Variants in MPPED1 observed in about 807,000 individuals in gnomAD.
MPPED1 encodes metallophosphoesterase domain-containing protein 1.
In MPPED1, 16 loss-of-function variants were observed where a neutral mutation model predicts 36.2. The observed-to-expected ratio is 0.44, with a 90% CI of 0.30 to 0.67. MPPED1 has a LOEUF of 0.67. MPPED1 is among the 30% of genes least tolerant of loss of function. MPPED1 has a pLI of 0.10. For missense variants in MPPED1, 307 were observed against 453.4 expected, an observed-to-expected ratio of 0.68 and a Z score of 2.93; for synonymous variants, 199 against 191.3, an observed-to-expected ratio of 1.04 and a Z score of -0.33.
At chr22:43,495,616 A>G (rs190427690) in intron 4 of MPPED1, among the ~76,000 whole-genome samples, 208 of 8,880 alleles carry the variant, frequency 0.023, no homozygotes, top group South Asian at 0.035. Context: ...TGGAGGTAGT[A>G]GTGGTGGAGA....
intron 4 of MPPED1, among the ~76,000 whole-genome samples, chr22:43,479,445 GGCA>G (rs1338058593): frequency 6.6e-6 from 1 of 152,220 alleles, no homozygotes; most frequent in Admixed American, 6.5e-5. Context: ...GGAGGTAGAC[GGCA>G]GAGCAGAGGA....
chr22:43,451,485 C>A (rs1044564511), intron 3 of MPPED1, among the ~76,000 whole-genome samples: 1 of 152,294 alleles, frequency 6.6e-6, no homozygotes, highest in East Asian at 1.9e-4. Flanking sequence ...TCACACCTTT[C>A]GGAGTGTGCA....
intron 4 of MPPED1, among the ~76,000 whole-genome samples, chr22:43,477,643 T>C (rs1931618378): frequency 6.6e-6 from 1 of 152,108 alleles, no homozygotes; most frequent in Non-Finnish European, 1.5e-5. Context: ...GAGGGGAAGA[T>C]GGGGAGGTGC....
At chr22:43,451,847 C>G (rs974761346) in intron 3 of MPPED1, among the ~76,000 whole-genome samples, 1 of 152,076 alleles carries the variant, frequency 6.6e-6, no homozygotes, top group South Asian at 2.1e-4. Flanking sequence ...TTTGTCTGTC[C>G]GAGGCTTCGG....
intron 4 of MPPED1, among the ~76,000 whole-genome samples, chr22:43,482,007 C>T (rs1602002294): frequency 6.6e-6 from 1 of 152,142 alleles, no homozygotes; most frequent in African/African-American, 2.4e-5. Flanking sequence ...TCAGGGAGGC[C>T]GTTTGTGGAC....
At chr22:43,495,240 TGGTGGTGATGGA>T (rs1442207826) in intron 4 of MPPED1, among the ~76,000 whole-genome samples, 8 of 143,960 alleles carry the variant, frequency 5.6e-5, no homozygotes, top group South Asian at 2.3e-4. Flanking sequence ...GTGGAGGTGG[TGGTGGTGATGGA>T]GGTGGTGATG....
At chr22:43,416,192 G>A (rs902126342) in intron 1 of MPPED1, among the ~76,000 whole-genome samples, 1 of 152,222 alleles carries the variant, frequency 6.6e-6, no homozygotes, top group Admixed American at 6.5e-5. Flanking sequence ...TGCAGTGGTT[G>A]GGGGCTGGTG....
At chr22:43,437,704 G>A (rs758501729) in intron 3 of MPPED1, among the ~76,000 whole-genome samples, 7 of 152,188 alleles carry the variant, frequency 4.6e-5, no homozygotes, top group Non-Finnish European at 1.0e-4. Context: ...CCCCTGCCTC[G>A]CATCCCTCCA....
rs200542385 is a variant in MPPED1, at chr22:43,420,648, C to G, written c.-78-4260C>G. Among the ~76,000 whole-genome samples, 7 of 152,232 alleles carry G rather than the reference C, an allele frequency of 4.6e-5. No homozygotes were observed. The East Asian group carries it at 1.4e-3, about 29-fold the overall frequency. The stretch of plus-strand genomic sequence containing the variant: ...AACTCCCGACCTCAGGTGATCCTCC[C>G]GCCTCGGCGTCCCAAAGTGCTGGGA... On this transcript the variant is annotated intron_variant, in intron 1 of 6. Transcript: ENST00000443721.
intron 2 of MPPED1, among the ~76,000 whole-genome samples, chr22:43,431,927 A>G (rs1929701336): frequency 6.6e-6 from 1 of 152,204 alleles, no homozygotes. Context: ...GTGCAGGGAA[A>G]TATGAGTGGA....
Position 43,474,581 on chromosome 22 carries a change from A to G in MPPED1, c.407-155A>G, listed in dbSNP as rs1040513875. Among the ~76,000 whole-genome samples the G allele has an allele frequency of 9.9e-5, 15 of 151,504 alleles. No homozygotes were observed. Among genetic ancestry groups the G allele is most frequent in the Admixed American group, 2.0e-4 (3 of 15,246 alleles). ...TCCACCCCTGCAGGCAGCCTGCCCTATGAGTACAAGATCGTGATCGCGGGC... is the reference window on the plus strand; with the variant it reads ...TCCACCCCTGCAGGCAGCCTGCCCTGTGAGTACAAGATCGTGATCGCGGGC... On this transcript the variant is annotated intron_variant, in intron 3 of 6. Coordinates refer to ENST00000443721, the MANE Select transcript of MPPED1 (RefSeq NM_001044370.2). The surrounding 1 kb of genome is among the most constrained non-coding windows in gnomAD (Gnocchi z 5.2).
Position 43,473,761 on chromosome 22 carries a change from G to A in MPPED1, c.407-975G>A, listed in dbSNP as rs755290907. 6.4e-4 allele frequency among the ~76,000 whole-genome samples: 97 copies of A among 152,122 alleles called. 1 individual carries two copies. The highest frequency in any genetic ancestry group is 1.8e-4 in the Non-Finnish European group (12 of 68,028). On this transcript the variant is annotated intron_variant, in intron 3 of 6. Coordinates refer to ENST00000443721, the MANE Select transcript of MPPED1 (RefSeq NM_001044370.2). ...GACCGAACAGCTGTGGTGGTCTTGC[G>A]CCTGCATAGAGCCAGCCTGGTGGGT...
At chr22:43,465,045 G>A (rs1463016726) in intron 3 of MPPED1, among the ~76,000 whole-genome samples, 1 of 152,192 alleles carries the variant, frequency 6.6e-6, no homozygotes, top group Non-Finnish European at 1.5e-5. Context: ...GGGTCTCAGA[G>A]AATTGAAAGA....
At chr22:43,433,263 C>T (rs966719501) in intron 2 of MPPED1, among the ~76,000 whole-genome samples, 1 of 152,108 alleles carries the variant, frequency 6.6e-6, no homozygotes, top group Non-Finnish European at 1.5e-5. Context: ...CGCCCTGTCC[C>T]CTCTGCTGCC....
intron 4 of MPPED1, among the ~76,000 whole-genome samples, chr22:43,495,566 G>A (rs1602016281): frequency 8.7e-6 from 1 of 115,238 alleles, no homozygotes. Flanking sequence ...GGTGGTGGTG[G>A]AGGTGATGGT....
intron 4 of MPPED1, among the ~76,000 whole-genome samples, chr22:43,488,062 T>C (rs967180325): frequency 6.6e-6 from 1 of 151,930 alleles, no homozygotes; most frequent in African/African-American, 2.4e-5. Flanking sequence ...ATCTGTAGAG[T>C]GGAGGCCATG....
intron 3 of MPPED1, among the ~76,000 whole-genome samples, chr22:43,449,836 G>A (rs1930500294): frequency 6.6e-6 from 1 of 151,892 alleles, no homozygotes; most frequent in South Asian, 2.1e-4. Context: ...GCCTTGGTGA[G>A]ACCCGAACAA....
At chr22:43,464,248 A>T (rs1421667912) in intron 3 of MPPED1, among the ~76,000 whole-genome samples, 1 of 149,694 alleles carries the variant, frequency 6.7e-6, no homozygotes, top group African/African-American at 2.5e-5. Flanking sequence ...ATGACACTGC[A>T]TTTGTGTATA....
In MPPED1 at chr22:43,505,774, G is replaced by A; in HGVS notation, c.*158G>A. ...CCTTGGAACGACTCTTTAGCCTTCT[G>A]TCACCTGGAGTTGGGACCCTGCGCA... On this transcript the variant is annotated 3_prime_UTR_variant, in exon 7 of 7. Coordinates refer to ENST00000443721, the MANE Select transcript of MPPED1 (RefSeq NM_001044370.2). 1.6e-6 allele frequency: 1 copy of A among 616,128 alleles called. No individual in the cohort carries two copies. The highest frequency in any genetic ancestry group is 2.9e-6 in the Non-Finnish European group (1 of 347,004). 38.2% of individuals were successfully genotyped at this position (616,128 alleles called of 1,614,324 possible).
Sources: allele counts gnomAD v4.1 joint callset (sites outside exome capture counted in the v4.1 genomes callset), GRCh38; gene constraint gnomAD v4.1.1; non-coding constraint Gnocchi (gnomAD v3.1); transcripts MANE v1.5; gene names NCBI Gene and HGNC (gene_info 2026-07-23, HGNC 2026-07-21).